Variants in KMO observed in about 807,000 individuals in gnomAD.
KMO encodes kynurenine 3-monooxygenase.
KMO carries 24 observed loss-of-function variants against 57.8 expected under a neutral mutation model. That is an observed-to-expected ratio of 0.42 (90% CI 0.30 to 0.58). The LOEUF (loss-of-function observed/expected upper bound fraction) is 0.58, where lower values mean the gene tolerates loss of function less well. KMO is among the 20% of genes least tolerant of loss of function. The pLI is 0.22. For missense variants in KMO, 483 were observed against 588.2 expected, an observed-to-expected ratio of 0.82 and a Z score of 1.85; for synonymous variants, 210 against 193.6, an observed-to-expected ratio of 1.08 and a Z score of -0.70.
chr1:241,556,301 T>G (rs1419948694), intron 5 of KMO, among the ~76,000 whole-genome samples: 1 of 151,874 alleles, frequency 6.6e-6, no homozygotes, highest in Non-Finnish European at 1.5e-5. Context: ...ATACGACCAA[T>G]TTTTTTACAT....
intron 1 of KMO, among the ~76,000 whole-genome samples, chr1:241,542,334 T>G (rs1240601616): frequency 6.6e-6 from 1 of 152,164 alleles, no homozygotes. Flanking sequence ...AGGTTAGGCA[T>G]CCCTATACAG....
chr1:241,591,231 G>T (rs1177876788), intron 14 of KMO, among the ~76,000 whole-genome samples: 2 of 152,086 alleles, frequency 1.3e-5, no homozygotes, highest in East Asian at 3.9e-4. Flanking sequence ...AATAGGCCAG[G>T]CAAATCCTTC....
chr1:241,538,954 C>T (rs1019773939), intron 1 of KMO, among the ~76,000 whole-genome samples: 1 of 152,184 alleles, frequency 6.6e-6, no homozygotes, highest in Non-Finnish European at 1.5e-5. Context: ...TCCATATTCA[C>T]TCATGCATTC....
At chr1:241,553,239 G>A (rs1406460910) in intron 4 of KMO, among the ~76,000 whole-genome samples, 5 of 152,096 alleles carry the variant, frequency 3.3e-5, no homozygotes, top group Non-Finnish European at 7.4e-5. Context: ...AAGACTTGAT[G>A]GGAACGACTC....
chr1:241,559,424 A>G (rs1661755128), intron 5 of KMO, among the ~76,000 whole-genome samples: 1 of 135,152 alleles, frequency 7.4e-6, no homozygotes, highest in Admixed American at 8.1e-5. Flanking sequence ...AATACTATAT[A>G]CTTATGTAAA....
rs1380842827 is a variant in KMO at position 241,595,434 on chromosome 1, T to G, written c.*3281T>G. 1 of 152,214 alleles carries G rather than the reference T, an allele frequency of 6.6e-6. No individual in the cohort carries two copies. Among genetic ancestry groups the G allele is most frequent in the Non-Finnish European group, 1.5e-5 (1 of 68,032 alleles). The allele number at this position is 152,214 out of a possible 1,614,324, so 9.4% of individuals were successfully genotyped here. A position where few individuals can be genotyped will look rare whatever the true frequency, so the allele number is the denominator to read the frequency against. ...TCCTCCACCCAATACATTATTAGACTGAACTGTGACCTGAAATGAGCAATA... is the reference window on the plus strand; with the variant it reads ...TCCTCCACCCAATACATTATTAGACGGAACTGTGACCTGAAATGAGCAATA... On this transcript the variant is annotated 3_prime_UTR_variant, in exon 15 of 15. Transcript: ENST00000366559.
intron 4 of KMO, among the ~76,000 whole-genome samples, chr1:241,553,079 T>C (rs1661471457): frequency 6.6e-6 from 1 of 152,258 alleles, no homozygotes; most frequent in Admixed American, 6.5e-5. Flanking sequence ...CTACAACTAA[T>C]GTCTTACAGA....
intron 1 of KMO, among the ~76,000 whole-genome samples, chr1:241,545,003 A>G (rs1661091502): frequency 6.6e-6 from 1 of 152,196 alleles, no homozygotes; most frequent in South Asian, 2.1e-4. Flanking sequence ...TAGGGTGTTT[A>G]CTGGGCACAA....
At chr1:241,568,441 T>A in intron 9 of KMO, 59 bp from the exon 10 acceptor site, 1 of 1,507,550 alleles carries the variant, frequency 6.6e-7, no homozygotes, top group Non-Finnish European at 9.1e-7. Context: ...CCTGAAAGAA[T>A]TTAGCAGGAT....
At chr1:241,551,175 A>G in intron 4 of KMO, 131 bp downstream of exon 4, 2 of 601,830 alleles carry the variant, frequency 3.3e-6, no homozygotes. Context: ...AGACCCCAGG[A>G]ATACAGATAC....
chr1:241,562,462 T>C (rs965238722), intron 7 of KMO, 130 bp downstream of exon 7: 5 of 854,038 alleles, frequency 5.9e-6, no homozygotes, highest in South Asian at 3.3e-5. Context: ...AACTTTGTAA[T>C]GAAGAATAAA....
intron 1 of KMO, among the ~76,000 whole-genome samples, chr1:241,541,768 AGAGTT>A (rs1034785357): frequency 2.6e-5 from 4 of 152,354 alleles, no homozygotes; most frequent in South Asian, 2.1e-4. Flanking sequence ...CATTGTAAGT[AGAGTT>A]AACAGTCTGA....
intron 8 of KMO, among the ~76,000 whole-genome samples, chr1:241,565,335 G>A (rs1662033566): frequency 6.6e-6 from 1 of 152,128 alleles, no homozygotes; most frequent in South Asian, 2.1e-4. Flanking sequence ...GGAGGAAACA[G>A]CCCTTCCAGT....
intron 10 of KMO, among the ~76,000 whole-genome samples, chr1:241,575,218 A>G (rs1415187604): frequency 1.3e-5 from 2 of 151,918 alleles, no homozygotes; most frequent in African/African-American, 2.4e-5. Context: ...CAAAGAATCA[A>G]CTTTTTGTCT....
At chr1:241,568,853 A>G (rs999949303) in intron 10 of KMO, among the ~76,000 whole-genome samples, 5 of 152,132 alleles carry the variant, frequency 3.3e-5, no homozygotes, top group African/African-American at 9.6e-5. Flanking sequence ...AGTAGAAAAA[A>G]GCAGAAAGCA....
At chr1:241,580,952 T>G (rs1662725831) in intron 10 of KMO, among the ~76,000 whole-genome samples, 1 of 152,172 alleles carries the variant, frequency 6.6e-6, no homozygotes, top group Non-Finnish European at 1.5e-5. Context: ...ATTATTGTAT[T>G]GGGGTCTATC....
At chr1:241,564,565 A>G (rs959799392) in intron 7 of KMO, among the ~76,000 whole-genome samples, 2 of 151,728 alleles carry the variant, frequency 1.3e-5, no homozygotes, top group African/African-American at 4.8e-5. Flanking sequence ...AGTAAAAAAT[A>G]TATATATAAA....
intron 1 of KMO, among the ~76,000 whole-genome samples, chr1:241,534,942 A>T (rs1660704989): frequency 6.6e-6 from 1 of 151,114 alleles, no homozygotes; most frequent in Admixed American, 6.6e-5. Context: ...CTTATCTACC[A>T]GTATCGGAAA....
intron 10 of KMO, among the ~76,000 whole-genome samples, chr1:241,578,912 G>T (rs1293671038): frequency 2.0e-5 from 3 of 152,104 alleles, no homozygotes; most frequent in Non-Finnish European, 4.4e-5. Context: ...AGAGAAGAGT[G>T]AGAGCCAAGT....
Sources: allele counts gnomAD v4.1 joint callset (sites outside exome capture counted in the v4.1 genomes callset), GRCh38; gene constraint gnomAD v4.1.1; transcripts MANE v1.5; gene names NCBI Gene and HGNC (gene_info 2026-07-23, HGNC 2026-07-21).